Variants in ANTXRL observed in about 807,000 individuals in gnomAD.
ANTXRL encodes anthrax toxin receptor-like.
ANTXRL carries 63 observed loss-of-function variants against 75.4 expected under a neutral mutation model. The observed-to-expected ratio is 0.84, with a 90% CI of 0.68 to 1.03. The LOEUF (loss-of-function observed/expected upper bound fraction) is 1.03, where lower values mean the gene tolerates loss of function less well. ANTXRL is among the 50% of genes least tolerant of loss of function. The pLI, the probability that ANTXRL is intolerant of heterozygous loss-of-function variation, is 0.00. For missense variants in ANTXRL, 797 were observed against 789.4 expected (o/e 1.01, Z -0.12); for synonymous variants, 335 against 291.3 (o/e 1.15, Z -1.53).
chr10:46,324,184 C>T lies in ANTXRL; in HGVS notation c.1411-5415C>T, dbSNP rs1192432129. ...GAGAGCATAACAGGTAATCTACATACTGAGTAACAGTAGAATGTCCAGAAG... is the reference window on the plus strand; with the variant it reads ...GAGAGCATAACAGGTAATCTACATATTGAGTAACAGTAGAATGTCCAGAAG... On this transcript the variant is annotated intron_variant, in intron 16 of 16. Transcript: ENST00000620264. 3.3e-5 allele frequency among the ~76,000 whole-genome samples: 5 copies of T among 152,222 alleles called. No individual in the cohort carries two copies. The East Asian group carries it at 9.6e-4, about 29-fold the overall frequency.
intron 16 of ANTXRL, among the ~76,000 whole-genome samples, chr10:46,326,231 C>T (rs1839205583): frequency 6.6e-6 from 1 of 151,934 alleles, no homozygotes; most frequent in African/African-American, 2.4e-5. Flanking sequence ...AGGGGCTGGG[C>T]AGGGTGACTC....
intron 10 of ANTXRL, among the ~76,000 whole-genome samples, chr10:46,303,176 AG>A (rs1377639585): frequency 1.3e-5 from 2 of 152,156 alleles, no homozygotes; most frequent in Non-Finnish European, 2.9e-5. Flanking sequence ...GGCTACTTCT[AG>A]GAAATGGTGG....
At chr10:46,293,329 A>AGTGTGTGCCT in intron 2 of ANTXRL, among the ~76,000 whole-genome samples, 1 of 70,532 alleles carries the variant, frequency 1.4e-5, no homozygotes, top group South Asian at 4.6e-4. Flanking sequence ...CCTGTGTGTG[A>AGTGTGTGCCT]GTGTGTGCGT....
intron 9 of ANTXRL, among the ~76,000 whole-genome samples, chr10:46,301,161 C>G (rs1390578300): frequency 6.6e-6 from 1 of 152,246 alleles, no homozygotes; most frequent in Non-Finnish European, 1.5e-5. Context: ...GCGCAGGCCA[C>G]AGGCCCAGTT....
chr10:46,292,031 C>G (rs1554956624), intron 1 of ANTXRL, 27 bp from the exon 2 acceptor site: 2 of 1,531,856 alleles, frequency 1.3e-6, no homozygotes, highest in Non-Finnish European at 1.7e-6. Flanking sequence ...CACTCATCTC[C>G]CTGACCCACA....
In ANTXRL at chr10:46,296,020, A is replaced by C. The variant is rs1554958505; in HGVS notation, c.394A>C (p.Asn132His). 1 of 1,535,526 alleles carries C rather than the reference A, an allele frequency of 6.5e-7. No individual in the cohort carries two copies. Among genetic ancestry groups the C allele is most frequent in the East Asian group, 2.4e-5 (1 of 40,914 alleles). ...QTVLPLTSDKNRIKNGLDQLQ... is the reference protein window; with the variant it reads ...QTVLPLTSDKHRIKNGLDQLQ... ...ACCACCTTTTTAAATTTTTTTCAGG[A>C]ATAGAATAAAAAACGGTCTTGACCA... is the stretch of plus-strand genomic sequence containing the variant. The change falls in exon 4 of 17, where the codon AAT (asparagine) becomes CAT (histidine). Residue 132 changes from asparagine to histidine, a missense_variant and splice_region_variant. Asn to His is a moderately conservative substitution (Grantham distance 68). Around this residue, in one of 3 missense-constraint regions of ANTXRL, gnomAD observed 262 missense variants for 271.9 expected, o/e 0.96. Coordinates refer to ENST00000620264, the MANE Select transcript of ANTXRL (RefSeq NM_001278688.3).
chr10:46,304,176 A>G (rs536103565), intron 10 of ANTXRL, among the ~76,000 whole-genome samples: 1 of 152,256 alleles, frequency 6.6e-6, no homozygotes, highest in African/African-American at 2.4e-5. Context: ...GAGCACTTAT[A>G]TCAGATATCG....
chr10:46,298,543 C>T (rs573392240), intron 9 of ANTXRL, among the ~76,000 whole-genome samples: 157 of 150,428 alleles, frequency 1.0e-3, no homozygotes, highest in African/African-American at 3.6e-3. Flanking sequence ...TGTATGTGCA[C>T]TGTGTGTGTC....
At chr10:46,300,508 CAT>C (rs1554960229) in intron 9 of ANTXRL, among the ~76,000 whole-genome samples, 5 of 152,140 alleles carry the variant, frequency 3.3e-5, no homozygotes, top group Non-Finnish European at 5.9e-5. Context: ...TTTTGACAGG[CAT>C]CTCCCTCTCC....
In ANTXRL at chr10:46,297,869, A is replaced by G; in HGVS notation, c.693A>G (p.Ala231=). 1.3e-6 allele frequency: 2 copies of G among 1,535,876 alleles called. No individual in the cohort carries two copies. Among genetic ancestry groups the G allele is most frequent in the Middle Eastern group, 1.7e-4 (1 of 5,984 alleles). The change falls in exon 8 of 17, where the codon GCA becomes GCG. Residue 231 remains alanine (A), a synonymous_variant. Coordinates refer to ENST00000620264, the MANE Select transcript of ANTXRL (RefSeq NM_001278688.3). ...CAGACAGCCCTGGCCACGTGTTTGC[A>G]GTGGAGAATGGCTTCAAGGCCCTGA... ...AIADSPGHVF[A]VENGFKALRS...
Position 46,297,865 on chromosome 10 carries a change from T to G in ANTXRL, c.689T>G (p.Phe230Cys). 6.5e-7 allele frequency: 1 copy of G among 1,535,902 alleles called. No individual in the cohort carries two copies. Among genetic ancestry groups the G allele is most frequent in the South Asian group, 1.2e-5 (1 of 84,052 alleles). The change falls in exon 8 of 17, where the codon TTT (phenylalanine) becomes TGT (cysteine). Residue 230 changes from phenylalanine (F) to cysteine (C), a missense_variant. By Grantham distance (205) the Phe-to-Cys change is radical (BLOSUM62 -2). Coordinates refer to ENST00000620264, the MANE Select transcript of ANTXRL (RefSeq NM_001278688.3). ...TAIADSPGHV[F>C]AVENGFKALR... ...ATTGCAGACAGCCCTGGCCACGTGT[T>G]TGCAGTGGAGAATGGCTTCAAGGCC... is the stretch of plus-strand genomic sequence containing the variant.
At chr10:46,315,867 A>AG (rs72507024) in intron 16 of ANTXRL, among the ~76,000 whole-genome samples, 1 of 152,170 alleles carries the variant, frequency 6.6e-6, no homozygotes, top group Non-Finnish European at 1.5e-5. Context: ...AAAAGCAGTC[A>AG]GTCTTGTTTA....
chr10:46,325,749 A>T (rs1359847309), intron 16 of ANTXRL, among the ~76,000 whole-genome samples: 2 of 152,082 alleles, frequency 1.3e-5, no homozygotes, highest in African/African-American at 4.8e-5. Context: ...TTTTTTCTGG[A>T]ACAATCTTAG....
At chr10:46,295,138 T>C (rs1413343004) in intron 3 of ANTXRL, among the ~76,000 whole-genome samples, 1 of 152,134 alleles carries the variant, frequency 6.6e-6, no homozygotes, top group East Asian at 1.9e-4. Flanking sequence ...TTGGTCTTTT[T>C]GTTTCAGGGG....
chr10:46,307,247 G>A (rs1455382735), intron 11 of ANTXRL, among the ~76,000 whole-genome samples, 155 bp from the exon 12 acceptor site: 2 of 152,106 alleles, frequency 1.3e-5, no homozygotes, highest in African/African-American at 4.8e-5. Flanking sequence ...CCCCATGCAG[G>A]GCCCCTCACT....
intron 16 of ANTXRL, among the ~76,000 whole-genome samples, chr10:46,326,125 G>A (rs1839200154): frequency 6.6e-6 from 1 of 151,612 alleles, no homozygotes; most frequent in Admixed American, 6.6e-5. Context: ...TGCTAAAAGG[G>A]TTATTTATTA....
rs1554959118 is a variant in ANTXRL at position 46,297,414 on chromosome 10, G to C, written c.594G>C (p.Lys198Asn). 3 of 1,535,930 alleles carry C rather than the reference G, an allele frequency of 2.0e-6. No individual in the cohort carries two copies. In the South Asian group the frequency reaches 3.6e-5, roughly 18 times the overall value. The change falls in exon 7 of 17, where the codon AAG becomes AAC. Residue 198 changes from lysine (K) to asparagine (N), a missense_variant. Physicochemically the swap from Lys to Asn is moderately conservative, Grantham distance 94 (BLOSUM62 0). Coordinates refer to ENST00000620264, the MANE Select transcript of ANTXRL (RefSeq NM_001278688.3). ...TGCCTTCTTTCCCTTAGGCTCAAAA[G>C]GCTCGGAAACTGGGGGCCAACGTTT... Reference protein sequence around the residue: ...AFQDTLREAQKARKLGANVYT... With the variant: ...AFQDTLREAQNARKLGANVYT...
At chr10:46,309,045 G>T (rs1838266299) in intron 12 of ANTXRL, 68 bp from the exon 13 acceptor site, 2 of 1,532,338 alleles carry the variant, frequency 1.3e-6, no homozygotes, top group Non-Finnish European at 1.7e-6. Context: ...GGGCAGATGG[G>T]CCACCAAGTG....
At chr10:46,313,408 T>A (rs1229237059) in intron 16 of ANTXRL, 92 bp downstream of exon 16, 2 of 1,317,538 alleles carry the variant, frequency 1.5e-6, no homozygotes, top group Non-Finnish European at 2.1e-6. Context: ...CAGAGAGCCA[T>A]GTCAGGCATC....
Sources: gnomAD v4.1 joint callset for allele counts (sites outside exome capture counted in the v4.1 genomes callset) on GRCh38, gnomAD v4.1.1 for gene constraint, gnomAD v4.1.1 regional missense constraint, MANE v1.5 for transcripts, NCBI Gene and HGNC (gene_info 2026-07-23, HGNC 2026-07-21) for gene names.